MUC5AC: variants seen among roughly 807,000 people sequenced by gnomAD.
MUC5AC encodes mucin-5AC.
Under a neutral mutation model 169.7 loss-of-function variants are expected in MUC5AC, and 158 were observed. That is an observed-to-expected ratio of 0.93 (90% CI 0.82 to 1.06). The LOEUF is 1.06. Among genes scored for constraint, MUC5AC ranks in the 50% least tolerant of loss-of-function variants. The pLI is 0.00. For missense variants in MUC5AC, 4,359 were observed against 3,089.9 expected (o/e 1.41, Z -9.74); for synonymous variants, 1,975 against 1,237.0 (o/e 1.60, Z -12.52).
chr11:1,161,842 G>T (rs1860149177), intron 3 of MUC5AC, 65 bp from the exon 4 acceptor site: 2 of 1,549,940 alleles, frequency 1.3e-6, no homozygotes, highest in Non-Finnish European at 1.7e-6. Flanking sequence ...GTACAGGGCA[G>T]AGGCAGGGGG....
In MUC5AC at chr11:1,200,498, C is replaced by T. The variant is rs1861398876; in HGVS notation, c.16761C>T (p.Thr5587=). The part of the protein sequence containing the change: ...HRCQCCQELR[T]SLRNVTLHCT... ...GCCAGTGCTGCCAGGAGCTGCGGAC[C>T]TCGCTGAGGAATGTGACCCTGCACT... Residue 5587 remains threonine, a synonymous_variant, in exon 49 of 49, where the codon ACC becomes ACT. Coordinates refer to ENST00000621226, the MANE Select transcript of MUC5AC (RefSeq NM_001304359.2). 1.3e-6 allele frequency: 1 copy of T among 746,922 alleles called. No individual in the cohort carries two copies. The allele number at this position is 746,922 out of a possible 1,614,324, so 46.3% of individuals were successfully genotyped here. A position where few individuals can be genotyped will look rare whatever the true frequency, so the allele number is the denominator to read the frequency against.
chr11:1,178,342 G>A, intron 24 of MUC5AC, 102 bp from the exon 25 acceptor site: 1 of 357,836 alleles, frequency 2.8e-6, no homozygotes, highest in Non-Finnish European at 5.1e-6. Flanking sequence ...GGCGGCCGCA[G>A]GGCAGGGTGG....
chr11:1,185,448 A>C lies in MUC5AC; in HGVS notation c.7303A>C (p.Ser2435Arg), dbSNP rs1473207996. The change falls in exon 31 of 49, where the codon AGC (serine) becomes CGC (arginine). Residue 2435 changes from serine (S) to arginine (R), a missense_variant. Ser to Arg is a moderately radical substitution (Grantham distance 110, BLOSUM62 -1). Transcript: ENST00000621226. The stretch of plus-strand genomic sequence containing the variant: ...CAGCACAACCTCCAGTCCACAGACC[A>C]GCACAACCTCGGCTCCTACAACCAG... Reference protein sequence around the residue: ...TSSTTSSPQTSTTSAPTTSTT... With the variant: ...TSSTTSSPQTRTTSAPTTSTT... 1.4e-6 allele frequency: 1 copy of C among 730,116 alleles called. No individual in the cohort carries two copies. Among genetic ancestry groups the C allele is most frequent in the African/African-American group, 1.7e-5 (1 of 57,862 alleles). The allele number at this position is 730,116 out of a possible 1,614,324, so 45.2% of individuals were successfully genotyped here.
In MUC5AC at chr11:1,188,351, A is replaced by G; in HGVS notation, c.10206A>G (p.Pro3402=). 3.1e-6 allele frequency: 2 copies of G among 647,740 alleles called. No homozygotes were observed. Among genetic ancestry groups the G allele is most frequent in the Non-Finnish European group, 5.7e-6 (2 of 349,704 alleles). 40.1% of individuals were successfully genotyped at this position (647,740 alleles called of 1,614,324 possible). A position where few individuals can be genotyped will look rare whatever the true frequency, so the allele number is the denominator to read the frequency against. The part of the protein sequence containing the change: ...SAPTTSTTST[P]QTSISSAPTS... Reference sequence around the variant, plus strand: ...CTACAACCAGCACAACCTCCACTCCACAGACCAGCATATCCTCTGCCCCTA... The same window carrying G: ...CTACAACCAGCACAACCTCCACTCCGCAGACCAGCATATCCTCTGCCCCTA... Residue 3402 remains proline, a synonymous_variant, in exon 31 of 49, where the codon CCA becomes CCG. Transcript: ENST00000621226.
rs1391780761 is a variant in MUC5AC, at chr11:1,188,422, G to C, written c.10277G>C (p.Arg3426Pro). ...CCTACAAGCAGCACAATCTCTGCTC[G>C]TACAACCAGCATAATCTCTGCCCCT... ...SAPTSSTISA[R>P]TTSIISAPTT... is the part of the protein sequence containing the mutation. The change falls in exon 31 of 49, where the codon CGT (arginine) becomes CCT (proline). Residue 3426 changes from arginine (R) to proline (P), a missense_variant. Coordinates refer to ENST00000621226, the MANE Select transcript of MUC5AC (RefSeq NM_001304359.2). The C allele has an allele frequency of 0.17, 104,804 of 633,868 alleles. 9,990 individuals carry two copies. The highest frequency in any genetic ancestry group is 0.2 in the Non-Finnish European group (71,041 of 354,460). 39.3% of individuals were successfully genotyped at this position (633,868 alleles called of 1,614,324 possible).
At position 1,196,392 on chromosome 11, in the gene MUC5AC, C is replaced by A. The variant is rs750180826; in HGVS notation, c.15642C>A (p.Phe5214Leu). The change falls in exon 38 of 49, where the codon TTC becomes TTA. Residue 5214 changes from phenylalanine to leucine, a missense_variant. Phe to Leu is a conservative substitution (Grantham distance 22). Coordinates refer to ENST00000621226, the MANE Select transcript of MUC5AC (RefSeq NM_001304359.2). ...WRGRTGHMCP[F>L]TCPADKVYQP... Reference sequence around the variant, plus strand: ...TGTGGCTTCCCCTCCCCACAGCATTCACCTGCCCAGCCGACAAGGTGTACC... The same window carrying A: ...TGTGGCTTCCCCTCCCCACAGCATTAACCTGCCCAGCCGACAAGGTGTACC... 1.3e-6 allele frequency: 1 copy of A among 764,918 alleles called. No individual in the cohort carries two copies. Among genetic ancestry groups the A allele is most frequent in the South Asian group, 1.3e-5 (1 of 74,618 alleles). 47.4% of individuals were successfully genotyped at this position (764,918 alleles called of 1,614,324 possible).
intron 36 of MUC5AC, 46 bp downstream of exon 36, chr11:1,195,325 C>T (rs1447757514): frequency 4.0e-6 from 3 of 744,738 alleles, no homozygotes; most frequent in Middle Eastern, 2.3e-4. Flanking sequence ...GGCCGCCCCA[C>T]CTCCCACCCT....
chr11:1,193,004 T>G (rs1400547685), intron 32 of MUC5AC, 22 bp downstream of exon 32: 2 of 671,438 alleles, frequency 3.0e-6, no homozygotes, highest in East Asian at 5.4e-5. Flanking sequence ...CTTCTCACCC[T>G]TCTGAAGGCT....
At position 1,199,092 on chromosome 11, in the gene MUC5AC, C is replaced by T. The variant is rs760364341; in HGVS notation, c.16302C>T (p.Phe5434=). The part of the protein sequence containing the change: ...QICNTHCPVG[F]EYQEQSGQCC... ...CATGTCCATCCCTCCCGCAGGGCTT[C>T]GAGTACCAGGAGCAGAGCGGGCAGT... Residue 5434 remains phenylalanine, a synonymous_variant, in exon 45 of 49, where the codon TTC becomes TTT. Coordinates refer to ENST00000621226, the MANE Select transcript of MUC5AC (RefSeq NM_001304359.2). 1.6e-5 allele frequency: 12 copies of T among 764,458 alleles called. No homozygotes were observed. Among genetic ancestry groups the T allele is most frequent in the East Asian group, 4.9e-5 (2 of 41,226 alleles). The allele number at this position is 764,458 out of a possible 1,614,324, so 47.4% of individuals were successfully genotyped here.
At chr11:1,171,935 CCACTCATTCACT>C (rs1379406446) in intron 15 of MUC5AC, among the ~76,000 whole-genome samples, 17,607 of 120,436 alleles carry the variant, frequency 0.15, 1,141 homozygotes, top group Non-Finnish European at 0.17. Context: ...ACTCACTCAT[CCACTCATTCACT>C]CACTCACTCA....
chr11:1,170,869 C>T (rs1159441436), intron 15 of MUC5AC, among the ~76,000 whole-genome samples: 2 of 143,936 alleles, frequency 1.4e-5, no homozygotes, highest in Non-Finnish European at 3.0e-5. Context: ...ATTCACTCGC[C>T]TATTCGCCCA....
intron 25 of MUC5AC, 80 bp downstream of exon 25, chr11:1,178,763 GGGGT>G: frequency 1.3e-6 from 1 of 762,424 alleles, no homozygotes; most frequent in Admixed American, 4.2e-5. Context: ...AGAAGGGAAT[GGGGT>G]CTGGGAGACA....
chr11:1,200,381 T>G, intron 48 of MUC5AC, 57 bp from the exon 49 acceptor site: 1 of 634,772 alleles, frequency 1.6e-6, no homozygotes, highest in Non-Finnish European at 2.9e-6. Flanking sequence ...CGGCGCCGGC[T>G]TACGGCAGGA....
chr11:1,182,004 G>A (rs1860825351), intron 30 of MUC5AC, among the ~76,000 whole-genome samples, 151 bp from the exon 31 acceptor site: 4 of 152,174 alleles, frequency 2.6e-5, no homozygotes, highest in Non-Finnish European at 4.4e-5. Context: ...AACCTGTGCC[G>A]CTCATGTGGG....
intron 5 of MUC5AC, 79 bp downstream of exon 5, chr11:1,162,725 G>A (rs1244007647): frequency 1.4e-6 from 2 of 1,382,530 alleles, no homozygotes; most frequent in East Asian, 4.6e-5. Context: ...CTCCGGAGAG[G>A]GTAGAAGGTG....
chr11:1,174,080 G>A (rs1413726068), intron 16 of MUC5AC, among the ~76,000 whole-genome samples: 2 of 152,200 alleles, frequency 1.3e-5, no homozygotes, highest in African/African-American at 4.8e-5. Context: ...TTCACTCATT[G>A]GTTAACCATG....
rs1370416090 is a variant in MUC5AC at position 1,162,591 on chromosome 11, A to G, written c.533A>G (p.Lys178Arg). ...VLIQQSSSYT[K>R]VEARLGLVLM... ...ATTCAGCAGAGCAGCAGCTACACCA[A>G]GGTGGAGGCCAGGCTGGGCCTTGTC... The change falls in exon 5 of 49, where the codon AAG becomes AGG. Residue 178 changes from lysine (K) to arginine (R), a missense_variant. Physicochemically the swap from Lys to Arg is conservative, Grantham distance 26. Transcript: ENST00000621226. The G allele has an allele frequency of 6.2e-7, 1 of 1,612,642 alleles. No individual in the cohort carries two copies. The highest frequency in any genetic ancestry group is 8.5e-7 in the Non-Finnish European group (1 of 1,179,856).
chr11:1,168,821 G>A (rs753596983), intron 14 of MUC5AC, 41 bp from the exon 15 acceptor site: 4 of 1,579,710 alleles, frequency 2.5e-6, no homozygotes, highest in Admixed American at 1.7e-5. Context: ...ACCCACTCTG[G>A]CCAGGGCGCA....
rs1554928183 is a variant in MUC5AC, at chr11:1,187,376, C to T, written c.9231C>T (p.Thr3077=). The change falls in exon 31 of 49, where the codon ACC becomes ACT. Residue 3077 remains threonine, a synonymous_variant. Coordinates refer to ENST00000621226, the MANE Select transcript of MUC5AC (RefSeq NM_001304359.2). ...TPSPVPTTST[T]SAPTTSTTSA... ...GCCCTGTTCCCACCACCAGCACAAC[C>T]TCTGCTCCTACAACCAGCACAACCT... 8.1e-6 allele frequency: 6 copies of T among 744,934 alleles called. No homozygotes were observed. The African/African-American group carries it at 1.0e-4, about 13-fold the overall frequency. The allele number at this position is 744,934 out of a possible 1,614,324, so 46.1% of individuals were successfully genotyped here.
Sources: allele counts gnomAD v4.1 joint callset (sites outside exome capture counted in the v4.1 genomes callset), GRCh38; gene constraint gnomAD v4.1.1; transcripts MANE v1.5; gene names NCBI Gene and HGNC (gene_info 2026-07-23, HGNC 2026-07-21).